The following TBC1D2B variants were observed in gnomAD, a reference collection of about 807,000 sequenced individuals.
The protein encoded by TBC1D2B is TBC1 domain family, member 2B.
In TBC1D2B, 64 loss-of-function variants were observed where a neutral mutation model predicts 100.8. That is an observed-to-expected ratio of 0.64 (90% CI 0.52 to 0.78). TBC1D2B has a LOEUF of 0.78. Among genes scored for constraint, TBC1D2B ranks in the 30% least tolerant of loss-of-function variants. TBC1D2B has a pLI of 0.00. For synonymous variants in TBC1D2B, 480 were observed against 479.7 expected (o/e 1.00, Z -0.01); for missense variants, 1,052 against 1,218.4 (o/e 0.86, Z 2.03).
At chr15:77,999,119 G>T in intron 12 of TBC1D2B, 1 of 351,400 alleles carries the variant, frequency 2.8e-6, no homozygotes, top group South Asian at 2.1e-5. Flanking sequence ...CAGTTCCTAG[G>T]GCCACCTTCT....
Position 78,024,272 on chromosome 15 carries a change from C to T in TBC1D2B, c.1354G>A (p.Glu452Lys). 6 of 1,614,014 alleles carry T rather than the reference C, an allele frequency of 3.7e-6. No individual in the cohort carries two copies. Among genetic ancestry groups the T allele is most frequent in the South Asian group, 1.1e-5 (1 of 91,088 alleles). ...MLMETIQAKD[E>K]VIIKLSEGEG... ...CCCTCGCTGAGCTTGATGATGACCT[C>T]GTCCTTGGCTTGGATGGTCTCCATG... The change falls in exon 6 of 13, where the codon GAG becomes AAG. Residue 452 changes from glutamate (E) to lysine (K), a missense_variant. Glu to Lys is a moderately conservative substitution (Grantham distance 56). Around this residue, in one of 4 missense-constraint regions of TBC1D2B, gnomAD observed 627 missense variants for 646.1 expected, o/e 0.97. Coordinates refer to ENST00000300584, the MANE Select transcript of TBC1D2B (RefSeq NM_144572.2).
intron 3 of TBC1D2B, 138 bp downstream of exon 3, chr15:78,044,762 T>C (rs1195013780): frequency 1.8e-5 from 14 of 770,736 alleles, no homozygotes; most frequent in Non-Finnish European, 2.6e-5. Context: ...ACCACAATGA[T>C]CTATGGGAAA....
At position 78,077,395 on chromosome 15, in the gene TBC1D2B, G is replaced by T; in HGVS notation, c.258C>A (p.Asp86Glu). 6.5e-7 allele frequency: 1 copy of T among 1,545,544 alleles called. No homozygotes were observed. The highest frequency in any genetic ancestry group is 8.7e-7 in the Non-Finnish European group (1 of 1,145,212). The change falls in exon 1 of 13, where the codon GAC (aspartate) becomes GAA (glutamate). Residue 86 changes from aspartate (D) to glutamate (E), a missense_variant. Asp to Glu is a conservative substitution (Grantham distance 45, BLOSUM62 2). Transcript: ENST00000300584. ...CGGGGCCCTGGTAGCTGAAGCAGGC[G>T]TCCGCGATGTCCAAGTGGCCGAGGG... is the stretch of plus-strand genomic sequence containing the variant. ...ALPLGHLDIA[D>E]ACFSYQGPDE...
chr15:78,067,108 G>C (rs1340300194), intron 1 of TBC1D2B, among the ~76,000 whole-genome samples: 1 of 152,190 alleles, frequency 6.6e-6, no homozygotes, highest in African/African-American at 2.4e-5. Flanking sequence ...TCAAACTGCT[G>C]GGTTTAAAAT....
At chr15:78,063,775 C>T (rs1192685719) in intron 1 of TBC1D2B, among the ~76,000 whole-genome samples, 1 of 152,122 alleles carries the variant, frequency 6.6e-6, no homozygotes, top group East Asian at 1.9e-4. Context: ...ATAGAATCGC[C>T]AGGTCTCCTA....
chr15:78,066,285 A>C (rs2073655942), intron 1 of TBC1D2B, among the ~76,000 whole-genome samples: 2 of 152,168 alleles, frequency 1.3e-5, no homozygotes, highest in African/African-American at 4.8e-5. Context: ...CAGAGAGTCA[A>C]CCCGAGGATG....
Position 78,077,335 on chromosome 15 carries a change from C to A in TBC1D2B, c.318G>T (p.Ala106=). The change falls in exon 1 of 13, where the codon GCG becomes GCT. Residue 106 remains alanine, a synonymous_variant. Coordinates refer to ENST00000300584, the MANE Select transcript of TBC1D2B (RefSeq NM_144572.2). ...EAAEPGTEPP[A]HFQVHSAGAV... ...CTCCCGCGCTGTGCACCTGGAAGTG[C>A]GCGGGCGGCTCCGTGCCCGGCTCCG... The A allele has an allele frequency of 2.6e-6, 4 of 1,536,644 alleles. No homozygotes were observed. In the South Asian group the frequency reaches 4.8e-5, roughly 19 times the overall value.
At chr15:78,056,136 A>G (rs2073417189) in intron 1 of TBC1D2B, among the ~76,000 whole-genome samples, 1 of 152,268 alleles carries the variant, frequency 6.6e-6, no homozygotes, top group Non-Finnish European at 1.5e-5. Context: ...TACTGAATAC[A>G]TATATGAAGG....
At chr15:78,017,979 C>T (rs1364940741) in intron 6 of TBC1D2B, 22 bp from the exon 7 acceptor site, 2 of 1,280,038 alleles carry the variant, frequency 1.6e-6, no homozygotes, top group Non-Finnish European at 2.2e-6. Context: ...AAAAAAAATC[C>T]CTGAATTCAC....
At chr15:78,003,662 C>T (rs1029039693) in intron 10 of TBC1D2B, 172 bp from the exon 11 acceptor site, 14 of 575,180 alleles carry the variant, frequency 2.4e-5, no homozygotes, top group South Asian at 1.6e-4. Flanking sequence ...GTTCCAGCAG[C>T]GCTGACCTCG....
In TBC1D2B at chr15:77,996,135, GCACA is replaced by G. The variant is rs1267314252; in HGVS notation, c.*2021_*2024del. On this transcript the variant is annotated 3_prime_UTR_variant, in exon 13 of 13. Coordinates refer to ENST00000300584, the MANE Select transcript of TBC1D2B (RefSeq NM_144572.2). Reference sequence around the variant, plus strand: ...TTCCTCCAGGAACTCTCCTGCTGTCGCACACACACACTGCCCGGCAGCTGCTGAC... The same window carrying G: ...TTCCTCCAGGAACTCTCCTGCTGTCGCACACACTGCCCGGCAGCTGCTGAC... 6.6e-6 allele frequency: 1 copy of G among 151,950 alleles called. No homozygotes were observed. The highest frequency in any genetic ancestry group is 2.4e-5 in the African/African-American group (1 of 41,390). 9.4% of individuals were successfully genotyped at this position (151,950 alleles called of 1,614,324 possible).
At chr15:77,998,490 G>C in intron 12 of TBC1D2B, 135 bp from the exon 13 acceptor site, 1 of 733,724 alleles carries the variant, frequency 1.4e-6, no homozygotes, top group Non-Finnish European at 2.1e-6. Flanking sequence ...CTGATGTAGG[G>C]GATGAGGCCC....
chr15:77,997,867 G>GA lies in TBC1D2B; in HGVS notation c.*292dup, dbSNP rs1460073530. Reference sequence around the variant, plus strand: ...AGCACCGACAGGCTGACGGAGGCTGGAAACAGGCTCTTGCAAATAGCCACT... The same window carrying GA: ...AGCACCGACAGGCTGACGGAGGCTGGAAAACAGGCTCTTGCAAATAGCCACT... On this transcript the variant is annotated 3_prime_UTR_variant, in exon 13 of 13. Transcript: ENST00000300584. 3 of 280,968 alleles carry GA rather than the reference G, an allele frequency of 1.1e-5. No individual in the cohort carries two copies. The highest frequency in any genetic ancestry group is 6.6e-5 in the African/African-American group (3 of 45,484). 17.4% of individuals were successfully genotyped at this position (280,968 alleles called of 1,614,324 possible).
intron 3 of TBC1D2B, among the ~76,000 whole-genome samples, chr15:78,043,549 T>C (rs3972617): frequency 0.89 from 135,808 of 152,148 alleles, 61,219 homozygotes; most frequent in East Asian, 0.99. Context: ...CAGGCATGCA[T>C]CACCACCCCC....
At chr15:78,026,203 A>G (rs2072665196) in intron 4 of TBC1D2B, among the ~76,000 whole-genome samples, 2 of 151,688 alleles carry the variant, frequency 1.3e-5, no homozygotes, top group East Asian at 1.9e-4. Context: ...GTGTCCCCCA[A>G]AGTTTATGTG....
Position 78,077,606 on chromosome 15 carries a change from T to TCGCCGC in TBC1D2B, c.41_46dup (p.Gly14_Gly15dup), listed in dbSNP as rs934967827. ...CGCGGCCGCCCCCTGCGCCGCGCCC[T>TCGCCGC]CGCCGCCGCCGCCGCCCTCCTCCGC... On this transcript the variant is annotated inframe_insertion, in exon 1 of 13. Transcript: ENST00000300584. 372 of 1,047,290 alleles carry TCGCCGC rather than the reference T, an allele frequency of 3.6e-4. 1 individual carries two copies. Among genetic ancestry groups the TCGCCGC allele is most frequent in the South Asian group, 1.6e-3 (35 of 21,624 alleles). 64.9% of individuals were successfully genotyped at this position (1,047,290 alleles called of 1,614,324 possible). A position where few individuals can be genotyped will look rare whatever the true frequency, so the allele number is the denominator to read the frequency against.
At chr15:78,016,761 C>T (rs373619739) in intron 7 of TBC1D2B, 22 bp from the exon 8 acceptor site, 6 of 1,495,628 alleles carry the variant, frequency 4.0e-6, no homozygotes, top group African/African-American at 2.8e-5. Context: ...GTGGTGGTTA[C>T]CTCCATTCAG....
intron 1 of TBC1D2B, among the ~76,000 whole-genome samples, chr15:78,055,242 T>TGG (rs1414835525): frequency 5.5e-4 from 16 of 29,094 alleles, no homozygotes; most frequent in Non-Finnish European, 2.7e-3. Flanking sequence ...ATCATGGTTC[T>TGG]GGGTAAAGTC....
chr15:78,077,376 C>G lies in TBC1D2B; in HGVS notation c.277G>C (p.Gly93Arg). The change falls in exon 1 of 13, where the codon GGC (glycine) becomes CGC (arginine). Residue 93 changes from glycine to arginine, a missense_variant. Around this residue, in one of 4 missense-constraint regions of TBC1D2B, gnomAD observed 627 missense variants for 646.1 expected, o/e 0.97. Coordinates refer to ENST00000300584, the MANE Select transcript of TBC1D2B (RefSeq NM_144572.2). The part of the protein sequence containing the change: ...DIADACFSYQ[G>R]PDEAAEPGTE... ...CCCGGCTCCGCCGCCTCGTCGGGGCCCTGGTAGCTGAAGCAGGCGTCCGCG... is the reference window on the plus strand; with the variant it reads ...CCCGGCTCCGCCGCCTCGTCGGGGCGCTGGTAGCTGAAGCAGGCGTCCGCG... 1 of 1,541,856 alleles carries G rather than the reference C, an allele frequency of 6.5e-7. No individual in the cohort carries two copies. The highest frequency in any genetic ancestry group is 8.7e-7 in the Non-Finnish European group (1 of 1,143,830).
Sources: allele counts gnomAD v4.1 joint callset (sites outside exome capture counted in the v4.1 genomes callset), GRCh38; gene constraint gnomAD v4.1.1; regional missense constraint gnomAD v4.1.1; transcripts MANE v1.5; gene names NCBI Gene and HGNC (gene_info 2026-07-23, HGNC 2026-07-21).